Variants in ATXN7L1 observed in about 807,000 individuals in gnomAD.
ATXN7L1 encodes ataxin-7-like protein 1.
ATXN7L1 carries 15 observed loss-of-function variants against 70.8 expected under a neutral mutation model. The observed-to-expected ratio is 0.21, with a 90% CI of 0.14 to 0.33. The LOEUF is 0.33. Ranked by LOEUF, ATXN7L1 falls within the 10% of genes least tolerant of loss-of-function variation. The pLI is 1.00. For synonymous variants in ATXN7L1, 440 were observed against 445.1 expected (o/e 0.99, Z 0.14); for missense variants, 975 against 1,097.1 (o/e 0.89, Z 1.57).
chr7:105,748,272 T>A (rs1217451363), intron 3 of ATXN7L1, among the ~76,000 whole-genome samples: 2 of 152,194 alleles, frequency 1.3e-5, no homozygotes, highest in African/African-American at 4.8e-5. Context: ...TCTGCATTTG[T>A]GACAAGGGAC....
At chr7:105,679,126 G>T in intron 3 of ATXN7L1, 1 of 986,082 alleles carries the variant, frequency 1.0e-6, no homozygotes, top group Non-Finnish European at 1.2e-6. Context: ...CGTGGTAGTA[G>T]ATGTTTCCTG....
chr7:105,675,623 C>CA lies in ATXN7L1; in HGVS notation c.356-10336dup, dbSNP rs1232470571. 2.1e-3 allele frequency among the ~76,000 whole-genome samples: 285 copies of CA among 137,470 alleles called. 1 individual carries two copies. The highest frequency in any genetic ancestry group is 7.2e-3 in the African/African-American group (264 of 36,798). 90.2% of individuals were successfully genotyped at this position (137,470 alleles called of 152,430 possible). ...CTGGTGACAGAATGAGACCCCATCT[C>CA]AAAAAAAAGAAAAAAAAAAGCACTT... On this transcript the variant is annotated intron_variant, in intron 3 of 11. Transcript: ENST00000419735.
intron 3 of ATXN7L1, among the ~76,000 whole-genome samples, chr7:105,727,621 A>G (rs1210904017): frequency 6.8e-6 from 1 of 147,700 alleles, no homozygotes; most frequent in Non-Finnish European, 1.5e-5. Flanking sequence ...GTGAGCCTAG[A>G]TAGTGCCATT....
intron 3 of ATXN7L1, among the ~76,000 whole-genome samples, chr7:105,733,605 C>CCCAT (rs1563048921): frequency 0.16 from 2,044 of 12,838 alleles, 305 homozygotes; most frequent in East Asian, 0.23. Context: ...CATCCATCCA[C>CCCAT]CCATCCATCC....
rs534093828 is a variant in ATXN7L1, at chr7:105,819,685, AC to A, written c.251-30978del. 3.7e-4 allele frequency: 345 copies of A among 931,110 alleles called. No individual in the cohort carries two copies. The East Asian group carries it at 8.7e-3, about 23-fold the overall frequency. 57.7% of individuals were successfully genotyped at this position (931,110 alleles called of 1,614,324 possible). A position where few individuals can be genotyped will look rare whatever the true frequency, so the allele number is the denominator to read the frequency against. ...TTCCTCCGCAAGCAGATGAACACCA[AC>A]CCTTCCCGAGGCCCCTACCACTTCC... On this transcript the variant is annotated intron_variant, in intron 2 of 11. Coordinates refer to ENST00000419735, the MANE Select transcript of ATXN7L1 (RefSeq NM_020725.2).
intron 3 of ATXN7L1, among the ~76,000 whole-genome samples, chr7:105,763,206 TCTC>T (rs1406319952): frequency 1.3e-5 from 2 of 152,190 alleles, no homozygotes; most frequent in Admixed American, 6.5e-5. Context: ...GCTCTCGTCT[TCTC>T]CTCCCCTTCA....
chr7:105,707,787 TG>T (rs1023624986), intron 3 of ATXN7L1, among the ~76,000 whole-genome samples: 32 of 152,318 alleles, frequency 2.1e-4, no homozygotes, highest in African/African-American at 7.5e-4. Flanking sequence ...AAAAATCCAC[TG>T]AAGTGCTGAG....
intron 3 of ATXN7L1, among the ~76,000 whole-genome samples, chr7:105,719,176 G>A (rs1331483921): frequency 6.6e-6 from 1 of 152,140 alleles, no homozygotes; most frequent in Non-Finnish European, 1.5e-5. Context: ...AGGCCTGGAT[G>A]GGTGAGGGGA....
At chr7:105,787,434 G>A (rs549835733) in intron 3 of ATXN7L1, among the ~76,000 whole-genome samples, 10 of 152,216 alleles carry the variant, frequency 6.6e-5, no homozygotes, top group Non-Finnish European at 1.0e-4. Flanking sequence ...GAGGTGCTCC[G>A]TAAGCCTGAA....
intron 4 of ATXN7L1, among the ~76,000 whole-genome samples, chr7:105,664,663 G>A (rs903497231): frequency 2.0e-5 from 3 of 150,840 alleles, no homozygotes; most frequent in Non-Finnish European, 3.0e-5. Flanking sequence ...TCCGCCTCCC[G>A]GGTTCAAGCA....
In ATXN7L1 at chr7:105,614,613, G is replaced by A. The variant is rs572400300; in HGVS notation, c.1721C>T (p.Pro574Leu). Reference protein sequence around the residue: ...SNAAFVTSPDPSALMSHTTAF... With the variant: ...SNAAFVTSPDLSALMSHTTAF... Reference sequence around the variant, plus strand: ...TGTGGTGTGGGACATGAGGGCGCTCGGGTCCGGCGATGTCACGAAAGCTGC... The same window carrying A: ...TGTGGTGTGGGACATGAGGGCGCTCAGGTCCGGCGATGTCACGAAAGCTGC... Residue 574 changes from proline to leucine, a missense_variant, in exon 10 of 12, where the codon CCG becomes CTG. Coordinates refer to ENST00000419735, the MANE Select transcript of ATXN7L1 (RefSeq NM_020725.2). This position sits in a 1 kb window ranked among gnomAD's most constrained non-coding sequence, Gnocchi z 4.3. 9.7e-6 allele frequency: 15 copies of A among 1,551,854 alleles called. No homozygotes were observed. The highest frequency in any genetic ancestry group is 2.7e-5 in the African/African-American group (2 of 73,116).
intron 10 of ATXN7L1, 84 bp downstream of exon 10, chr7:105,613,778 C>T (rs73408804): frequency 6.3e-5 from 97 of 1,546,308 alleles, no homozygotes; most frequent in South Asian, 5.0e-4. Context: ...TGTTACCTGT[C>T]GGAGCCGCCC....
At chr7:105,673,670 G>A (rs1340390146) in intron 3 of ATXN7L1, among the ~76,000 whole-genome samples, 4 of 152,240 alleles carry the variant, frequency 2.6e-5, no homozygotes, top group African/African-American at 9.6e-5. Context: ...GAGAGGCAGG[G>A]CTGGCACCTT....
At chr7:105,839,862 G>T (rs1812944860) in intron 2 of ATXN7L1, among the ~76,000 whole-genome samples, 1 of 152,188 alleles carries the variant, frequency 6.6e-6, no homozygotes, top group Non-Finnish European at 1.5e-5. Context: ...GGTGAAATAA[G>T]AAATAATACA....
At chr7:105,812,510 A>T (rs963430738) in intron 2 of ATXN7L1, among the ~76,000 whole-genome samples, 2 of 152,196 alleles carry the variant, frequency 1.3e-5, no homozygotes, top group East Asian at 3.9e-4. Flanking sequence ...TCTGTTCTCC[A>T]CAAACTTTAC....
chr7:105,839,296 T>C (rs1005197348), intron 2 of ATXN7L1, among the ~76,000 whole-genome samples: 2 of 151,834 alleles, frequency 1.3e-5, no homozygotes, highest in Admixed American at 6.6e-5. Context: ...ACATGGAAGA[T>C]GGTTGCCTGA....
At chr7:105,723,769 G>A (rs1206673602) in intron 3 of ATXN7L1, among the ~76,000 whole-genome samples, 2 of 152,136 alleles carry the variant, frequency 1.3e-5, no homozygotes, top group African/African-American at 4.8e-5. Context: ...GTGGATTCTA[G>A]CTCCATCTCC....
At chr7:105,618,311 C>A (rs1794229291) in intron 9 of ATXN7L1, among the ~76,000 whole-genome samples, 1 of 152,210 alleles carries the variant, frequency 6.6e-6, no homozygotes, top group Non-Finnish European at 1.5e-5. Context: ...ACGTGTAGCA[C>A]CAATTTGTTG....
At chr7:105,873,264 T>C (rs1210594496) in intron 2 of ATXN7L1, among the ~76,000 whole-genome samples, 2 of 152,246 alleles carry the variant, frequency 1.3e-5, no homozygotes, top group African/African-American at 4.8e-5. Context: ...GTTCATTCAT[T>C]CCCATTAAAG....
Sources: gnomAD v4.1 joint callset for allele counts (sites outside exome capture counted in the v4.1 genomes callset) on GRCh38, gnomAD v4.1.1 for gene constraint, Gnocchi (gnomAD v3.1) non-coding constraint, MANE v1.5 for transcripts, NCBI Gene and HGNC (gene_info 2026-07-23, HGNC 2026-07-21) for gene names.